The following UHRF2 variants were observed in gnomAD, a reference collection of about 807,000 sequenced individuals.
UHRF2 encodes the protein ubiquitin like with PHD and ring finger domains 2.
UHRF2 carries 23 observed loss-of-function variants against 96.8 expected under a neutral mutation model. The ratio of observed to expected loss-of-function variants is 0.24; its 90% CI spans 0.17 to 0.34. The LOEUF (loss-of-function observed/expected upper bound fraction) is 0.34. Among genes scored for constraint, UHRF2 ranks in the 10% least tolerant of loss-of-function variants. The pLI, the probability that UHRF2 is intolerant of heterozygous loss-of-function variation, is 1.00. For missense variants in UHRF2, 685 were observed against 981.5 expected, an observed-to-expected ratio of 0.70 and a Z score of 4.04; for synonymous variants, 385 against 332.6, an observed-to-expected ratio of 1.16 and a Z score of -1.72.
At chr9:6,503,191 T>TAAAA (rs901292809) in intron 14 of UHRF2, among the ~76,000 whole-genome samples, 2 of 152,166 alleles carry the variant, frequency 1.3e-5, no homozygotes, top group African/African-American at 4.8e-5. Context: ...GAGACGGTTT[T>TAAAA]GGCCATGTTG....
intron 2 of UHRF2, among the ~76,000 whole-genome samples, chr9:6,432,269 A>G (rs1313126949): frequency 6.6e-6 from 1 of 152,218 alleles, no homozygotes; most frequent in Non-Finnish European, 1.5e-5. Context: ...TTCATTACAT[A>G]CAGTGCCTTT....
chr9:6,500,639 A>T lies in UHRF2; in HGVS notation c.2093A>T (p.His698Leu). 6.2e-7 allele frequency: 1 copy of T among 1,614,088 alleles called. No homozygotes were observed. The highest frequency in any genetic ancestry group is 8.5e-7 in the Non-Finnish European group (1 of 1,179,978). The change falls in exon 14 of 16, where the codon CAT (histidine) becomes CTT (leucine). Residue 698 changes from histidine to leucine, a missense_variant. By Grantham distance (99) the His-to-Leu change is moderately conservative. Transcript: ENST00000276893. ...EAFQLTPQQQ[H>L]LIREDCQNQK... Reference sequence around the variant, plus strand: ...TTTCAACTAACTCCTCAACAGCAACATCTCATCAGAGAAGATTGTCAAAAC... The same window carrying T: ...TTTCAACTAACTCCTCAACAGCAACTTCTCATCAGAGAAGATTGTCAAAAC...
intron 5 of UHRF2, among the ~76,000 whole-genome samples, chr9:6,476,127 A>G (rs1411942483): frequency 1.3e-5 from 2 of 152,182 alleles, no homozygotes; most frequent in African/African-American, 4.8e-5. Flanking sequence ...GGAAGAGAAC[A>G]TGTCACATTT....
intron 2 of UHRF2, chr9:6,422,853 A>T: frequency 2.5e-6 from 1 of 392,330 alleles, no homozygotes; most frequent in Non-Finnish European, 4.5e-6. Context: ...TTTGTTTTTG[A>T]TGCAATTATT....
chr9:6,429,216 T>C (rs73399691), intron 2 of UHRF2, among the ~76,000 whole-genome samples: 3,292 of 152,172 alleles, frequency 0.022, 129 homozygotes, highest in African/African-American at 0.076. Flanking sequence ...TTTTCAGAGT[T>C]GGAGAACCTG....
intron 2 of UHRF2, among the ~76,000 whole-genome samples, chr9:6,427,448 A>C (rs1284057260): frequency 2.6e-5 from 4 of 152,292 alleles, no homozygotes. Flanking sequence ...GCACTTTGGG[A>C]GGTCGAGGCA....
At chr9:6,466,739 G>C (rs1023264288) in intron 4 of UHRF2, among the ~76,000 whole-genome samples, 1 of 152,142 alleles carries the variant, frequency 6.6e-6, no homozygotes, top group Non-Finnish European at 1.5e-5. Context: ...ACTGGTCACT[G>C]TGCTTCGGCC....
intron 2 of UHRF2, among the ~76,000 whole-genome samples, chr9:6,426,374 T>C (rs565593389): frequency 6.6e-6 from 1 of 152,350 alleles, no homozygotes; most frequent in Non-Finnish European, 1.5e-5. Flanking sequence ...AATTGGCAAG[T>C]AAATCTTACA....
chr9:6,418,156 G>A (rs565639028), intron 1 of UHRF2, among the ~76,000 whole-genome samples: 4 of 151,970 alleles, frequency 2.6e-5, no homozygotes, highest in Non-Finnish European at 4.4e-5. Context: ...TTTTTTGTGG[G>A]GGTGTTGGAG....
chr9:6,498,242 C>T, intron 12 of UHRF2, 84 bp downstream of exon 12: 1 of 1,414,194 alleles, frequency 7.1e-7, no homozygotes, highest in Non-Finnish European at 9.5e-7. Flanking sequence ...CTGGATATAA[C>T]CCACAGCAAT....
chr9:6,460,489 C>G (rs1042016191), intron 3 of UHRF2, 84 bp from the exon 4 acceptor site: 7 of 1,167,114 alleles, frequency 6.0e-6, no homozygotes, highest in Non-Finnish European at 8.5e-6. Context: ...ATGATTAACT[C>G]AGCAAATTAG....
chr9:6,478,961 T>G (rs1198866216), intron 6 of UHRF2, among the ~76,000 whole-genome samples: 1 of 152,204 alleles, frequency 6.6e-6, no homozygotes, highest in African/African-American at 2.4e-5. Flanking sequence ...TATTCCTGCT[T>G]CTCTAAAATA....
intron 3 of UHRF2, among the ~76,000 whole-genome samples, chr9:6,458,439 G>C (rs1376828088): frequency 6.6e-6 from 1 of 151,020 alleles, no homozygotes; most frequent in East Asian, 2.0e-4. Context: ...CAAAAAACCA[G>C]CTCCTGGATT....
chr9:6,420,137 A>T (rs1341032849), intron 1 of UHRF2, among the ~76,000 whole-genome samples: 1 of 150,874 alleles, frequency 6.6e-6, no homozygotes, highest in Non-Finnish European at 1.5e-5. Flanking sequence ...GCTCACTGCA[A>T]CCTCCACCTC....
In UHRF2 at chr9:6,504,303, G is replaced by C. The variant is rs554637403; in HGVS notation, c.2164-290G>C. On this transcript the variant is annotated intron_variant, in intron 14 of 15. Coordinates refer to ENST00000276893, the MANE Select transcript of UHRF2 (RefSeq NM_152896.3). ...GCCTCCCAAAGTGCTGGGATTACAG[G>C]CGTGAGCCACCGCGCCCGGCCTCTA... 318 of 188,584 alleles carry C rather than the reference G, an allele frequency of 1.7e-3. 1 individual carries two copies. The highest frequency in any genetic ancestry group is 7.2e-3 in the African/African-American group (303 of 42,118). The allele number at this position is 188,584 out of a possible 1,614,324, so 11.7% of individuals were successfully genotyped here.
At chr9:6,440,287 C>G (rs1410007682) in intron 3 of UHRF2, among the ~76,000 whole-genome samples, 2 of 152,168 alleles carry the variant, frequency 1.3e-5, no homozygotes, top group Non-Finnish European at 2.9e-5. Context: ...GTGCCGGACT[C>G]TGAGCATAAC....
rs1816578899 is a variant in UHRF2, at chr9:6,506,273, C to G, written c.*94C>G. On this transcript the variant is annotated 3_prime_UTR_variant, in exon 16 of 16. Coordinates refer to ENST00000276893, the MANE Select transcript of UHRF2 (RefSeq NM_152896.3). Reference sequence around the variant, plus strand: ...GGGTGGAAGAAATGGTGGACTGTATCTCTCACGTTCTGAAGCAGCTAATCC... The same window carrying G: ...GGGTGGAAGAAATGGTGGACTGTATGTCTCACGTTCTGAAGCAGCTAATCC... 1 of 1,489,492 alleles carries G rather than the reference C, an allele frequency of 6.7e-7. No homozygotes were observed. Among genetic ancestry groups the G allele is most frequent in the Non-Finnish European group, 9.1e-7 (1 of 1,098,492 alleles). 92.3% of individuals were successfully genotyped at this position (1,489,492 alleles called of 1,614,324 possible).
chr9:6,416,114 G>T (rs1014679195), intron 1 of UHRF2, among the ~76,000 whole-genome samples: 5 of 152,074 alleles, frequency 3.3e-5, no homozygotes, highest in East Asian at 3.8e-4. Context: ...CTGTCGCCAG[G>T]CTGGAGTGGC....
At chr9:6,476,392 C>G (rs796381026) in intron 5 of UHRF2, among the ~76,000 whole-genome samples, 1 of 152,080 alleles carries the variant, frequency 6.6e-6, no homozygotes. Context: ...TATTTTTACA[C>G]GAGTAAAGCC....
Sources: allele counts gnomAD v4.1 joint callset (sites outside exome capture counted in the v4.1 genomes callset), GRCh38; gene constraint gnomAD v4.1.1; transcripts MANE v1.5; gene names NCBI Gene and HGNC (gene_info 2026-07-23, HGNC 2026-07-21).